ARHGAP15: variants seen among roughly 807,000 people sequenced by gnomAD.
ARHGAP15 encodes rho GTPase-activating protein 15.
Under a neutral mutation model 63.7 loss-of-function variants are expected in ARHGAP15, and 51 were observed. That is an observed-to-expected ratio of 0.80 (90% CI 0.64 to 1.01). The LOEUF is 1.01. Among genes scored for constraint, ARHGAP15 ranks in the 50% least tolerant of loss-of-function variants. The pLI, the probability that ARHGAP15 is intolerant of heterozygous loss-of-function variation, is 0.00. For missense variants in ARHGAP15, 560 were observed against 564.6 expected (o/e 0.99, Z 0.08); for synonymous variants, 191 against 193.8 (o/e 0.99, Z 0.12).
chr2:143,643,009 A>T (rs1369691268), intron 12 of ARHGAP15, among the ~76,000 whole-genome samples: 1 of 152,006 alleles, frequency 6.6e-6, no homozygotes, highest in Admixed American at 6.6e-5. Flanking sequence ...AGAACTTTCC[A>T]CAGAAAAGGG....
At chr2:143,620,706 T>C (rs1698614834) in intron 11 of ARHGAP15, among the ~76,000 whole-genome samples, 1 of 152,208 alleles carries the variant, frequency 6.6e-6, no homozygotes, top group South Asian at 2.1e-4. Context: ...ACTTTCCCTA[T>C]CTGTAAAATG....
intron 6 of ARHGAP15, among the ~76,000 whole-genome samples, chr2:143,390,027 A>T (rs988538132): frequency 2.0e-5 from 3 of 150,534 alleles, no homozygotes; most frequent in African/African-American, 7.3e-5. Context: ...AAAAAAAAGC[A>T]GTAAGGTATC....
At chr2:143,422,581 A>G (rs145088194) in intron 6 of ARHGAP15, among the ~76,000 whole-genome samples, 1 of 152,308 alleles carries the variant, frequency 6.6e-6, no homozygotes, top group East Asian at 1.9e-4. Context: ...AGGATATTTT[A>G]AAGACCATTG....
intron 6 of ARHGAP15, among the ~76,000 whole-genome samples, chr2:143,427,871 AGAAT>A (rs1485902256): frequency 6.6e-6 from 1 of 152,178 alleles, no homozygotes; most frequent in Non-Finnish European, 1.5e-5. Context: ...ATGACAATAG[AGAAT>A]GAGTTAAATA....
At position 143,160,047 on chromosome 2, in the gene ARHGAP15, G is replaced by A. The variant is rs1690229791; in HGVS notation, c.165+4392G>A. ...CTGGGCATTCTCAGCGCTCAGGGTA[G>A]AATTATTTCCTGACATATTTTGCAC... On this transcript the variant is annotated intron_variant, in intron 2 of 13. Coordinates refer to ENST00000295095, the MANE Select transcript of ARHGAP15 (RefSeq NM_018460.4). Among the ~76,000 whole-genome samples, 3 of 151,952 alleles carry A rather than the reference G, an allele frequency of 2.0e-5. No individual in the cohort carries two copies. In the South Asian group the frequency reaches 6.2e-4, roughly 31 times the overall value.
chr2:143,425,071 C>T (rs781526415), intron 6 of ARHGAP15, among the ~76,000 whole-genome samples: 2 of 152,144 alleles, frequency 1.3e-5, no homozygotes, highest in Non-Finnish European at 2.9e-5. Flanking sequence ...AGTCACCCTA[C>T]TGATAGTGCT....
intron 12 of ARHGAP15, among the ~76,000 whole-genome samples, chr2:143,626,898 C>T (rs2105246378): frequency 6.6e-6 from 1 of 152,220 alleles, no homozygotes; most frequent in African/African-American, 2.4e-5. Context: ...AAGTTCTCAC[C>T]CCCAAGGTCA....
At chr2:143,231,473 A>C (rs1693439816) in intron 5 of ARHGAP15, among the ~76,000 whole-genome samples, 1 of 152,232 alleles carries the variant, frequency 6.6e-6, no homozygotes, top group South Asian at 2.1e-4. Flanking sequence ...AAATAAAGCC[A>C]GCCATCCATT....
At chr2:143,201,065 G>A (rs186589463) in intron 2 of ARHGAP15, among the ~76,000 whole-genome samples, 2 of 151,864 alleles carry the variant, frequency 1.3e-5, no homozygotes, top group Non-Finnish European at 2.9e-5. Flanking sequence ...GAAGTTTAGG[G>A]GAAACTCAAT....
intron 13 of ARHGAP15, among the ~76,000 whole-genome samples, chr2:143,708,396 G>T (rs1684426554): frequency 6.6e-6 from 1 of 152,148 alleles, no homozygotes; most frequent in South Asian, 2.1e-4. Context: ...CTAAATTACT[G>T]CTAAATTTCA....
intron 9 of ARHGAP15, among the ~76,000 whole-genome samples, chr2:143,504,374 C>T (rs1382051137): frequency 6.6e-6 from 1 of 152,190 alleles, no homozygotes; most frequent in Non-Finnish European, 1.5e-5. Context: ...CAAAATTAGA[C>T]ATTCCAGCCT....
At chr2:143,346,948 A>T (rs1261494614) in intron 6 of ARHGAP15, among the ~76,000 whole-genome samples, 1 of 152,060 alleles carries the variant, frequency 6.6e-6, no homozygotes, top group African/African-American at 2.4e-5. Flanking sequence ...AATTTGCTTC[A>T]GGGCAAACTA....
chr2:143,526,398 C>G (rs1040710351), intron 10 of ARHGAP15, among the ~76,000 whole-genome samples: 32 of 152,118 alleles, frequency 2.1e-4, no homozygotes, highest in African/African-American at 7.2e-4. Flanking sequence ...ACCTCCACCC[C>G]CAATGTAAAG....
intron 6 of ARHGAP15, among the ~76,000 whole-genome samples, chr2:143,405,344 T>A (rs1171617441): frequency 6.6e-6 from 1 of 151,866 alleles, no homozygotes; most frequent in Non-Finnish European, 1.5e-5. Context: ...CTTATCATTT[T>A]GTGTTTTTTA....
chr2:143,379,126 G>T (rs1017305838), intron 6 of ARHGAP15, among the ~76,000 whole-genome samples: 2 of 151,912 alleles, frequency 1.3e-5, no homozygotes, highest in Admixed American at 6.6e-5. Context: ...TAAAAGCAGA[G>T]ATGATTAATC....
intron 13 of ARHGAP15, among the ~76,000 whole-genome samples, chr2:143,752,093 G>T (rs1184378891): frequency 6.6e-6 from 1 of 152,048 alleles, no homozygotes; most frequent in Non-Finnish European, 1.5e-5. Context: ...CTCTGAGTCG[G>T]GCCCCCTTGG....
At chr2:143,680,021 TAAAAAAAAAAAAAAAAAAA>T (rs55927433) in intron 12 of ARHGAP15, among the ~76,000 whole-genome samples, 1 of 101,626 alleles carries the variant, frequency 9.8e-6, no homozygotes, top group Non-Finnish European at 1.9e-5. Context: ...AGTAAATGAT[TAAAAAAAAAAAAAAAAAAA>T]AAAAAAAAAA....
At chr2:143,705,566 A>C (rs1684291827) in intron 13 of ARHGAP15, among the ~76,000 whole-genome samples, 1 of 152,216 alleles carries the variant, frequency 6.6e-6, no homozygotes, top group Admixed American at 6.5e-5. Context: ...CAGACACACC[A>C]TGAAAGCGGT....
intron 10 of ARHGAP15, among the ~76,000 whole-genome samples, chr2:143,539,535 C>T (rs1694945552): frequency 6.6e-6 from 1 of 152,022 alleles, no homozygotes; most frequent in African/African-American, 2.4e-5. Flanking sequence ...AAATTTCCCC[C>T]TACGCACTGC....
Sources: allele counts gnomAD v4.1 joint callset (sites outside exome capture counted in the v4.1 genomes callset), GRCh38; gene constraint gnomAD v4.1.1; transcripts MANE v1.5; gene names NCBI Gene and HGNC (gene_info 2026-07-23, HGNC 2026-07-21).